Variants in METTL25 observed in about 807,000 individuals in gnomAD.
The protein encoded by METTL25 is methyltransferase like 25.
A neutral mutation model predicts 71.6 loss-of-function variants in METTL25; 64 were observed. The observed-to-expected ratio is 0.89, with a 90% CI of 0.73 to 1.10. METTL25 has a LOEUF of 1.10. Ranked by LOEUF, METTL25 falls within the 50% of genes least tolerant of loss-of-function variation. METTL25 has a pLI of 0.00. For missense variants in METTL25, 807 were observed against 707.0 expected, an observed-to-expected ratio of 1.14 and a Z score of -1.60; for synonymous variants, 287 against 250.3, an observed-to-expected ratio of 1.15 and a Z score of -1.38.
chr12:82,389,590 T>C (rs1885379645), intron 2 of METTL25, among the ~76,000 whole-genome samples: 1 of 152,148 alleles, frequency 6.6e-6, no homozygotes, highest in Non-Finnish European at 1.5e-5. Flanking sequence ...TTTTCCATTA[T>C]AGTTAATTGT....
intron 1 of METTL25, among the ~76,000 whole-genome samples, chr12:82,375,689 T>G (rs1448662865): frequency 6.6e-6 from 1 of 152,208 alleles, no homozygotes; most frequent in Non-Finnish European, 1.5e-5. Context: ...GTGATTGAAA[T>G]GAATTTAAAC....
intron 9 of METTL25, among the ~76,000 whole-genome samples, chr12:82,472,778 A>G (rs1173504973): frequency 6.6e-6 from 1 of 152,006 alleles, no homozygotes; most frequent in Non-Finnish European, 1.5e-5. Flanking sequence ...TCTTAAGATT[A>G]TTATTTTTGA....
intron 4 of METTL25, 76 bp downstream of exon 4, chr12:82,399,470 T>A (rs767060142): frequency 9.0e-7 from 1 of 1,109,344 alleles, no homozygotes; most frequent in Admixed American, 2.4e-5. Context: ...TTACTTAACA[T>A]ACATATCTTA....
chr12:82,444,041 T>A (rs939118915), intron 8 of METTL25, among the ~76,000 whole-genome samples: 1 of 152,084 alleles, frequency 6.6e-6, no homozygotes, highest in African/African-American at 2.4e-5. Context: ...TACAGAAAAC[T>A]TTTAAACTCA....
intron 2 of METTL25, among the ~76,000 whole-genome samples, chr12:82,388,108 C>G (rs1885224655): frequency 6.6e-6 from 1 of 151,866 alleles, no homozygotes; most frequent in Non-Finnish European, 1.5e-5. Flanking sequence ...TATTGTTTCC[C>G]CAACATTAGA....
intron 5 of METTL25, among the ~76,000 whole-genome samples, chr12:82,423,409 T>C (rs1292291173): frequency 6.6e-6 from 1 of 152,162 alleles, no homozygotes; most frequent in African/African-American, 2.4e-5. Context: ...GATTAAAGAC[T>C]TACATGTTAG....
chr12:82,460,527 T>C (rs1026899710), intron 9 of METTL25, among the ~76,000 whole-genome samples: 5 of 152,218 alleles, frequency 3.3e-5, no homozygotes, highest in Non-Finnish European at 5.9e-5. Context: ...ACTCTTGTTA[T>C]AAGGTGAGGA....
rs576033921 is a variant in METTL25 at position 82,417,216 on chromosome 12, C to G, written c.1280-13677C>G. Among the ~76,000 whole-genome samples, 4 of 152,040 alleles carry G rather than the reference C, an allele frequency of 2.6e-5. No individual in the cohort carries two copies. In the South Asian group the frequency reaches 8.3e-4, roughly 32 times the overall value. On this transcript the variant is annotated intron_variant, in intron 5 of 11. Coordinates refer to ENST00000248306, the MANE Select transcript of METTL25 (RefSeq NM_032230.3). ...ACAAATACTTGACTTGAAAAAAAAT[C>G]TATATTTTGTGGGAGATTGTAAGAT...
At chr12:82,410,002 A>G (rs1195337046) in intron 5 of METTL25, among the ~76,000 whole-genome samples, 3 of 151,952 alleles carry the variant, frequency 2.0e-5, no homozygotes, top group Non-Finnish European at 4.4e-5. Flanking sequence ...GCATATATAC[A>G]TATGTAGATC....
intron 9 of METTL25, among the ~76,000 whole-genome samples, chr12:82,461,258 ATATT>A (rs1344140107): frequency 6.6e-6 from 1 of 152,216 alleles, no homozygotes; most frequent in Non-Finnish European, 1.5e-5. Context: ...AAACTGTTAT[ATATT>A]TATTTTTTAG....
At chr12:82,470,067 C>G (rs1494024) in intron 9 of METTL25, among the ~76,000 whole-genome samples, 23,037 of 152,126 alleles carry the variant, frequency 0.15, 2,113 homozygotes, top group African/African-American at 0.25. Flanking sequence ...CCATCAAAGA[C>G]AATAATCACT....
At chr12:82,376,653 C>T (rs1047084103) in intron 1 of METTL25, among the ~76,000 whole-genome samples, 13 of 152,168 alleles carry the variant, frequency 8.5e-5, no homozygotes, top group African/African-American at 3.1e-4. Flanking sequence ...GTGAACCTAT[C>T]CTTTTGTCTG....
At chr12:82,477,142 T>C in intron 10 of METTL25, 139 bp from the exon 11 acceptor site, 2 of 475,778 alleles carry the variant, frequency 4.2e-6, no homozygotes, top group Non-Finnish European at 7.5e-6. Context: ...ATTCATTTTC[T>C]GAAGATGTAC....
chr12:82,452,667 T>C (rs574349407), intron 8 of METTL25, among the ~76,000 whole-genome samples: 2 of 152,340 alleles, frequency 1.3e-5, no homozygotes, highest in East Asian at 3.9e-4. Context: ...AAGATTACTT[T>C]ATGAAATACC....
intron 5 of METTL25, among the ~76,000 whole-genome samples, chr12:82,404,108 C>A (rs1045310151): frequency 6.6e-6 from 1 of 152,020 alleles, no homozygotes; most frequent in Non-Finnish European, 1.5e-5. Context: ...AGAATTGGCA[C>A]ACATTTTTAC....
At chr12:82,393,215 G>C (rs565398878) in intron 3 of METTL25, among the ~76,000 whole-genome samples, 2 of 151,904 alleles carry the variant, frequency 1.3e-5, no homozygotes, top group South Asian at 2.1e-4. Context: ...AGATTTCTTT[G>C]GGTAATATGC....
At chr12:82,458,686 T>A (rs538495631) in intron 9 of METTL25, among the ~76,000 whole-genome samples, 3 of 152,280 alleles carry the variant, frequency 2.0e-5, no homozygotes, top group Admixed American at 2.0e-4. Context: ...ATTTTTTAAA[T>A]ACGCCAGAGC....
At chr12:82,361,907 G>T (rs962635577) in intron 1 of METTL25, among the ~76,000 whole-genome samples, 2 of 152,256 alleles carry the variant, frequency 1.3e-5, no homozygotes, top group Non-Finnish European at 2.9e-5. Flanking sequence ...AGCGTGGCCA[G>T]AGTGGGCGCC....
chr12:82,445,480 G>A (rs372370626), intron 8 of METTL25, among the ~76,000 whole-genome samples: 17 of 152,178 alleles, frequency 1.1e-4, no homozygotes, highest in African/African-American at 3.9e-4. Context: ...CAAGTGTTGC[G>A]AGTATTCGTT....
Sources: gnomAD v4.1 joint callset for allele counts (sites outside exome capture counted in the v4.1 genomes callset) on GRCh38, gnomAD v4.1.1 for gene constraint, MANE v1.5 for transcripts, NCBI Gene and HGNC (gene_info 2026-07-23, HGNC 2026-07-21) for gene names.